Variants in ST8SIA2 observed in about 807,000 individuals in gnomAD.
The protein encoded by ST8SIA2 is ST8 alpha-N-acetyl-neuraminide alpha-2,8-sialyltransferase 2.
Under a neutral mutation model 37.6 loss-of-function variants are expected in ST8SIA2, and 22 were observed. That is an observed-to-expected ratio of 0.58 (90% CI 0.42 to 0.83). The LOEUF (loss-of-function observed/expected upper bound fraction) is 0.83. ST8SIA2 is among the 40% of genes least tolerant of loss of function. The pLI is 0.00. For synonymous variants in ST8SIA2, 205 were observed against 201.2 expected, an observed-to-expected ratio of 1.02 and a Z score of -0.16; for missense variants, 382 against 484.7, an observed-to-expected ratio of 0.79 and a Z score of 1.99.
In ST8SIA2 at chr15:92,444,883, G is replaced by C; in HGVS notation, c.796G>C (p.Val266Leu). The C allele has an allele frequency of 6.2e-7, 1 of 1,613,428 alleles. No individual in the cohort carries two copies. Among genetic ancestry groups the C allele is most frequent in the Non-Finnish European group, 8.5e-7 (1 of 1,180,040 alleles). ...GCTTATCCTGAAGCACCACGTCAAC[G>C]TGCGCACTGCATACCCCTCGCTGCG... is the stretch of plus-strand genomic sequence containing the variant. ...NELILKHHVN[V>L]RTAYPSLRLL... The change falls in exon 5 of 6, where the codon GTG becomes CTG. Residue 266 changes from valine to leucine, a missense_variant. Val to Leu is a conservative substitution (Grantham distance 32, BLOSUM62 1). Coordinates refer to ENST00000268164, the MANE Select transcript of ST8SIA2 (RefSeq NM_006011.4).
rs142169287 is a variant in ST8SIA2 at position 92,444,918 on chromosome 15, C to T, written c.831C>T (p.His277=). The change falls in exon 5 of 6, where the codon CAC becomes CAT. Residue 277 remains histidine, a synonymous_variant. Transcript: ENST00000268164. ...RTAYPSLRLL[H]AVRGYWLTNK... ...CATACCCCTCGCTGCGCCTGCTGCA[C>T]GCCGTTCGCGGGTGAGCGGCCTCCC... The T allele has an allele frequency of 1.2e-5, 19 of 1,611,442 alleles. No individual in the cohort carries two copies. The African/African-American group carries it at 1.2e-4, about 10-fold the overall frequency.
intron 4 of ST8SIA2, among the ~76,000 whole-genome samples, chr15:92,439,550 C>T (rs1490224114): frequency 6.6e-6 from 1 of 152,160 alleles, no homozygotes; most frequent in Non-Finnish European, 1.5e-5. Context: ...GGGACCAACT[C>T]GAGGCAAAGA....
rs773470073 is a variant in ST8SIA2 at position 92,468,714 on chromosome 15, G to A, written c.*4329G>A. 2.6e-5 allele frequency: 4 copies of A among 152,606 alleles called. No homozygotes were observed. Among genetic ancestry groups the A allele is most frequent in the Non-Finnish European group, 5.9e-5 (4 of 68,030 alleles). The allele number at this position is 152,606 out of a possible 1,614,324, so 9.5% of individuals were successfully genotyped here. On this transcript the variant is annotated 3_prime_UTR_variant, in exon 6 of 6. Coordinates refer to ENST00000268164, the MANE Select transcript of ST8SIA2 (RefSeq NM_006011.4). Reference sequence around the variant, plus strand: ...AGCAGTTGCTCAATAAATGTTTGTTGGATTAAATCCTTAATACCTGTAGAG... The same window carrying A: ...AGCAGTTGCTCAATAAATGTTTGTTAGATTAAATCCTTAATACCTGTAGAG...
At chr15:92,444,386 C>G (rs1032330834) in intron 4 of ST8SIA2, among the ~76,000 whole-genome samples, 2 of 152,188 alleles carry the variant, frequency 1.3e-5, no homozygotes, top group African/African-American at 4.8e-5. Flanking sequence ...ATCCTGAACT[C>G]CAGAAGACAG....
chr15:92,395,225 G>A (rs571310053), intron 1 of ST8SIA2, among the ~76,000 whole-genome samples: 1 of 152,370 alleles, frequency 6.6e-6, no homozygotes, highest in South Asian at 2.1e-4. Context: ...AAAGAGGGCA[G>A]AAGGTCTCTT....
intron 5 of ST8SIA2, among the ~76,000 whole-genome samples, chr15:92,457,698 G>GA (rs1162937938): frequency 6.6e-6 from 1 of 152,148 alleles, no homozygotes; most frequent in Non-Finnish European, 1.5e-5. Context: ...AAAGGAAATC[G>GA]AGAGTGATTT....
chr15:92,430,338 A>G (rs2049706383), intron 2 of ST8SIA2, among the ~76,000 whole-genome samples: 1 of 152,182 alleles, frequency 6.6e-6, no homozygotes, highest in African/African-American at 2.4e-5. Flanking sequence ...GATGGGTAAG[A>G]GTCACTTTCT....
chr15:92,427,361 C>T (rs1567216178), intron 1 of ST8SIA2, among the ~76,000 whole-genome samples: 1 of 151,186 alleles, frequency 6.6e-6, no homozygotes, highest in African/African-American at 2.4e-5. Context: ...TTGGCCAAAG[C>T]CTGAAATATA....
At chr15:92,401,893 G>A (rs1596228040) in intron 1 of ST8SIA2, among the ~76,000 whole-genome samples, 3 of 148,744 alleles carry the variant, frequency 2.0e-5, no homozygotes, top group South Asian at 4.4e-4. Flanking sequence ...CAGAGGAGTG[G>A]TGATCTGAAA....
At chr15:92,446,059 A>T (rs1314000622) in intron 5 of ST8SIA2, among the ~76,000 whole-genome samples, 1 of 152,234 alleles carries the variant, frequency 6.6e-6, no homozygotes, top group Non-Finnish European at 1.5e-5. Context: ...AGTGGCTTAA[A>T]AAAACAACAA....
intron 5 of ST8SIA2, among the ~76,000 whole-genome samples, chr15:92,463,737 C>G (rs2049972274): frequency 6.6e-6 from 1 of 152,190 alleles, no homozygotes; most frequent in Non-Finnish European, 1.5e-5. Flanking sequence ...AAAAAGGTTG[C>G]CAGCTCCTGC....
intron 4 of ST8SIA2, among the ~76,000 whole-genome samples, chr15:92,443,849 T>A (rs3784731): frequency 0.59 from 89,248 of 151,910 alleles, 26,930 homozygotes; most frequent in African/African-American, 0.72. Context: ...TAGGTATCGA[T>A]GCTTAGGCTC....
chr15:92,433,225 T>C (rs2049729935), intron 2 of ST8SIA2, among the ~76,000 whole-genome samples: 1 of 152,160 alleles, frequency 6.6e-6, no homozygotes, highest in Non-Finnish European at 1.5e-5. Context: ...TCAAGATAAA[T>C]GGAGAGGACA....
chr15:92,438,341 TG>T lies in ST8SIA2; in HGVS notation c.291-10del. 2 of 1,614,214 alleles carry T rather than the reference TG, an allele frequency of 1.2e-6. No homozygotes were observed. The highest frequency in any genetic ancestry group is 1.7e-6 in the Non-Finnish European group (2 of 1,180,036). On this transcript the variant is annotated splice_polypyrimidine_tract_variant and intron_variant, in intron 3 of 5. Transcript: ENST00000268164. ...CCTGGAGAATTTCCTCACGCATGTT[TG>T]GTTTTCACAGGAAGCAGATTTTAAA...
Position 92,464,139 on chromosome 15 carries a change from C to G in ST8SIA2, c.882C>G (p.Thr294=), listed in dbSNP as rs777165199. The change falls in exon 6 of 6, where the codon ACC becomes ACG. Residue 294 remains threonine (T), a synonymous_variant. Transcript: ENST00000268164. ...LTNKVHIKRP[T]TGLLMYTLAT... ...ACAAAGTCCACATCAAAAGACCCAC[C>G]ACCGGCCTCTTGATGTATACCCTGG... The G allele has an allele frequency of 8.1e-6, 13 of 1,603,290 alleles. No homozygotes were observed. Among genetic ancestry groups the G allele is most frequent in the African/African-American group, 5.4e-5 (4 of 73,940 alleles).
At position 92,464,327 on chromosome 15, in the gene ST8SIA2, G is replaced by C. The variant is rs1440657525; in HGVS notation, c.1070G>C (p.Ser357Thr). ...CCCTTGGAGTTTAAGGCCCTCAAGA[G>C]CCTACATGAGCAGGGGGCTTTGAAA... ...TMPLEFKALKSLHEQGALKLT... is the reference protein window; with the variant it reads ...TMPLEFKALKTLHEQGALKLT... The change falls in exon 6 of 6, where the codon AGC becomes ACC. Residue 357 changes from serine (S) to threonine (T), a missense_variant. Ser to Thr is a moderately conservative substitution (Grantham distance 58). Coordinates refer to ENST00000268164, the MANE Select transcript of ST8SIA2 (RefSeq NM_006011.4). 1 of 1,614,052 alleles carries C rather than the reference G, an allele frequency of 6.2e-7. No homozygotes were observed. Among genetic ancestry groups the C allele is most frequent in the South Asian group, 1.1e-5 (1 of 91,068 alleles).
intron 5 of ST8SIA2, among the ~76,000 whole-genome samples, chr15:92,452,071 T>C (rs1285440402): frequency 6.6e-6 from 1 of 152,212 alleles, no homozygotes; most frequent in Non-Finnish European, 1.5e-5. Context: ...AATGAACTCC[T>C]CAACCCCTAT....
chr15:92,408,944 TC>T (rs2049529428), intron 1 of ST8SIA2, among the ~76,000 whole-genome samples: 1 of 152,088 alleles, frequency 6.6e-6, no homozygotes, highest in Non-Finnish European at 1.5e-5. Context: ...GACCTCATGA[TC>T]CGCCCGCCTT....
chr15:92,393,932 C>A lies in ST8SIA2; in HGVS notation c.-133C>A. 2.8e-6 allele frequency: 1 copy of A among 358,668 alleles called. No individual in the cohort carries two copies. Among genetic ancestry groups the A allele is most frequent in the Non-Finnish European group, 4.5e-6 (1 of 224,466 alleles). 22.2% of individuals were successfully genotyped at this position (358,668 alleles called of 1,614,324 possible). ...TGCCGCTGCCGCTGCCGCCGCCGGC[C>A]CGGACTCGTCCGGAGCGCAGGGTGT... On this transcript the variant is annotated 5_prime_UTR_variant, in exon 1 of 6. Transcript: ENST00000268164.
Sources: allele counts gnomAD v4.1 joint callset (sites outside exome capture counted in the v4.1 genomes callset), GRCh38; gene constraint gnomAD v4.1.1; transcripts MANE v1.5; gene names NCBI Gene and HGNC (gene_info 2026-07-23, HGNC 2026-07-21).